The following SHOX variants were observed in gnomAD, a reference collection of about 807,000 sequenced individuals.
SHOX encodes the protein SHOX homeobox.
SHOX carries 12 observed loss-of-function variants against 29.6 expected under a neutral mutation model. The ratio of observed to expected loss-of-function variants is 0.41; its 90% CI spans 0.26 to 0.66. The LOEUF (loss-of-function observed/expected upper bound fraction) is 0.66. Ranked by LOEUF, SHOX falls within the 30% of genes least tolerant of loss-of-function variation. The pLI is 0.35. For missense variants in SHOX, 499 were observed against 437.7 expected, an observed-to-expected ratio of 1.14 and a Z score of -1.25; for synonymous variants, 214 against 200.6, an observed-to-expected ratio of 1.07 and a Z score of -0.57.
chrX:626,752 C>T (rs748051889), upstream of SHOX, among the ~76,000 whole-genome samples: 8 of 151,126 alleles, frequency 5.3e-5, no homozygotes, highest in African/African-American at 1.9e-4. Context: ...GTGTCTCTAC[C>T]TCTGTCTCTC....
In SHOX at chrX:630,825, CG is replaced by C; in HGVS notation, c.-70del. 2 of 1,579,206 alleles carry C rather than the reference CG, an allele frequency of 1.3e-6. No homozygotes were observed. Among genetic ancestry groups the C allele is most frequent in the Non-Finnish European group, 1.7e-6 (2 of 1,152,736 alleles). On this transcript the variant is annotated 5_prime_UTR_variant, in exon 1 of 5. Coordinates refer to ENST00000686671, the MANE Select transcript of SHOX (RefSeq NM_000451.4). ...AGCGCTGGTGATCCACCCGCGCGCA[CG>C]GGCCGTCCTCTCCGCGCGGGGAGAC... is the stretch of plus-strand genomic sequence containing the variant.
intron 1 of SHOX, among the ~76,000 whole-genome samples, chrX:631,447 G>A (rs1443156719): frequency 6.6e-6 from 1 of 152,350 alleles, no homozygotes; most frequent in Middle Eastern, 3.4e-3. Flanking sequence ...GAAGGTCCCG[G>A]GCTGGGGTGG....
chrX:637,915 A>T (rs1193877825), intron 2 of SHOX, among the ~76,000 whole-genome samples: 1 of 152,218 alleles, frequency 6.6e-6, no homozygotes, highest in Non-Finnish European at 1.5e-5. Context: ...GTGGCCCTGC[A>T]AAGTCGTATC....
chrX:650,676 C>G lies in SHOX; in HGVS notation c.*6040C>G, dbSNP rs1274369213. ...TCCCGGGGACATAGCGAGGATGGCA[C>G]ACGGCAGCCACTCCCACGACACACA... On this transcript the variant is annotated 3_prime_UTR_variant, in exon 5 of 5. Transcript: ENST00000686671. 6.6e-6 allele frequency among the ~76,000 whole-genome samples: 1 copy of G among 151,216 alleles called. No homozygotes were observed.
rs954183713 is a variant in SHOX at position 645,088 on chromosome X, C to G, written c.*452C>G. On this transcript the variant is annotated 3_prime_UTR_variant, in exon 5 of 5. Coordinates refer to ENST00000686671, the MANE Select transcript of SHOX (RefSeq NM_000451.4). ...GCCAACGATTTTCTTTACTACCATG[C>G]TCCTTCCTTCATCCCGAGAGGCTGC... 1.3e-5 allele frequency: 2 copies of G among 158,520 alleles called. No homozygotes were observed. The highest frequency in any genetic ancestry group is 4.8e-5 in the African/African-American group (2 of 41,704). The allele number at this position is 158,520 out of a possible 1,614,324, so 9.8% of individuals were successfully genotyped here. A position where few individuals can be genotyped will look rare whatever the true frequency, so the allele number is the denominator to read the frequency against.
At chrX:627,669 G>A (rs1235398223), upstream of SHOX, among the ~76,000 whole-genome samples, 1 of 152,112 alleles carries the variant, frequency 6.6e-6, no homozygotes, top group African/African-American at 2.4e-5. Flanking sequence ...GCCTTGAATA[G>A]CCACACAGCT....
At chrX:635,355 G>T (rs1290890079) in intron 2 of SHOX, among the ~76,000 whole-genome samples, 1 of 152,166 alleles carries the variant, frequency 6.6e-6, no homozygotes, top group African/African-American at 2.4e-5. Context: ...TTCCCGTGTG[G>T]CTGCATTGAA....
Position 631,017 on chromosome X carries a change from GA to G in SHOX, c.121del (p.Ser41AlafsTer35). 1 of 1,613,852 alleles carries G rather than the reference GA, an allele frequency of 6.2e-7. No individual in the cohort carries two copies. The highest frequency in any genetic ancestry group is 1.1e-5 in the South Asian group (1 of 91,082). ...CCATTACGTACCGGGAAGTTTTGGAGAGCGGACTGGCGCGCTCCCGGGAGCT... is the reference window on the plus strand; with the variant it reads ...CCATTACGTACCGGGAAGTTTTGGAGGCGGACTGGCGCGCTCCCGGGAGCT... ...DSITYREVLE[S>X]GLARSRELGT... is the part of the protein sequence containing the mutation. On this transcript the variant is annotated frameshift_variant, in exon 1 of 5. Transcript: ENST00000686671. LOFTEE classifies it high-confidence loss of function.
intron 1 of SHOX, chrX:632,069 G>C: frequency 4.5e-6 from 2 of 449,212 alleles, no homozygotes; most frequent in South Asian, 1.6e-5. Flanking sequence ...GTTTTCCTTT[G>C]AACGTCGAGG....
At chrX:626,439 C>T (rs1168097660), upstream of SHOX, among the ~76,000 whole-genome samples, 1 of 66,544 alleles carries the variant, frequency 1.5e-5, no homozygotes, top group Non-Finnish European at 3.9e-5. Flanking sequence ...GTTCCTCTCT[C>T]TCTTTTTCTC....
rs765679079 is a variant in SHOX at position 631,097 on chromosome X, C to G, written c.200C>G (p.Pro67Arg). The change falls in exon 1 of 5, where the codon CCG becomes CGG. Residue 67 changes from proline to arginine, a missense_variant. Coordinates refer to ENST00000686671, the MANE Select transcript of SHOX (RefSeq NM_000451.4). ...QDITEGGGHC[P>R]VHLFKDHVDN... is the part of the protein sequence containing the mutation. ...ATCACGGAGGGCGGCGGCCACTGCC[C>G]GGTGCATTTGTTCAAGGACCACGTA... 9 of 1,613,720 alleles carry G rather than the reference C, an allele frequency of 5.6e-6. No individual in the cohort carries two copies. The highest frequency in any genetic ancestry group is 7.6e-6 in the Non-Finnish European group (9 of 1,179,850).
chrX:652,124 C>T (rs187567308), downstream of SHOX, among the ~76,000 whole-genome samples: 1,159 of 152,028 alleles, frequency 7.6e-3, 20 homozygotes, highest in African/African-American at 0.027. Context: ...GGGGTTTCAC[C>T]GTGTTGGTCA....
chrX:630,654 G>T (rs1339415051), upstream of SHOX: 1 of 601,568 alleles, frequency 1.7e-6, no homozygotes, highest in South Asian at 2.0e-5. Flanking sequence ...TTGCCGGCCT[G>T]GGGGGTGGGG....
chrX:624,874 CTTT>C (rs1486857579), intron 1 of SHOX, among the ~76,000 whole-genome samples: 76 of 26,334 alleles, frequency 2.9e-3, no homozygotes, highest in Non-Finnish European at 3.8e-3. Flanking sequence ...TTCTTTCTTT[CTTT>C]CTTTCTTTCT....
At chrX:657,926 G>C (rs1225952875) in intron 5 of SHOX, among the ~76,000 whole-genome samples, 1 of 152,092 alleles carries the variant, frequency 6.6e-6, no homozygotes, top group Non-Finnish European at 1.5e-5. Flanking sequence ...CCATATATGG[G>C]AATACCAAGA....
chrX:651,778 G>A (rs537606373), downstream of SHOX, among the ~76,000 whole-genome samples: 3 of 151,604 alleles, frequency 2.0e-5, no homozygotes, highest in Non-Finnish European at 4.4e-5. Flanking sequence ...ACTTTTGCTT[G>A]TATCCCATCC....
At position 636,970 on chromosome X, in the gene SHOX, A is replaced by ATATATATATATATAT. The variant is rs1458275715; in HGVS notation, c.486+2145_486+2146insATATATATATATATT. On this transcript the variant is annotated intron_variant, in intron 2 of 4. Coordinates refer to ENST00000686671, the MANE Select transcript of SHOX (RefSeq NM_000451.4). Reference sequence around the variant, plus strand: ...AAAATATATATATATATATATATATATTTTGGCTCCTGATTCTCTTCCGTC... The same window carrying ATATATATATATATAT: ...AAAATATATATATATATATATATATATATATATATATATATTTTTGGCTCCTGATTCTCTTCCGTC... 1.2e-3 allele frequency among the ~76,000 whole-genome samples: 164 copies of ATATATATATATATAT among 137,294 alleles called. 1 individual carries two copies. The highest frequency in any genetic ancestry group is 4.1e-3 in the African/African-American group (148 of 36,034). 90.1% of individuals were successfully genotyped at this position (137,294 alleles called of 152,430 possible). A position where few individuals can be genotyped will look rare whatever the true frequency, so the allele number is the denominator to read the frequency against.
At chrX:629,515 C>T, upstream of SHOX, among the ~76,000 whole-genome samples, 1 of 151,882 alleles carries the variant, frequency 6.6e-6, no homozygotes, top group South Asian at 2.1e-4. Flanking sequence ...CCATCTCTCT[C>T]TCTCCCTGTC....
chrX:634,551 G>A, intron 1 of SHOX, 67 bp from the exon 2 acceptor site: 1 of 1,555,236 alleles, frequency 6.4e-7, no homozygotes, highest in Non-Finnish European at 8.8e-7. Context: ...CGGGATGCAC[G>A]AAGGGGTTCG....
Sources: allele counts gnomAD v4.1 joint callset (sites outside exome capture counted in the v4.1 genomes callset), GRCh38; gene constraint gnomAD v4.1.1; transcripts MANE v1.5; gene names NCBI Gene and HGNC (gene_info 2026-07-23, HGNC 2026-07-21).